CYFIP1: variants seen among roughly 807,000 people sequenced by gnomAD.
CYFIP1 encodes the protein cytoplasmic FMR1-interacting protein 1.
A neutral mutation model predicts 163.5 loss-of-function variants in CYFIP1; 58 were observed. The observed-to-expected ratio is 0.35, with a 90% CI of 0.29 to 0.44. The LOEUF is 0.44. CYFIP1 is among the 20% of genes least tolerant of loss of function. CYFIP1 has a pLI of 1.00. For missense variants in CYFIP1, 1,338 were observed against 1,653.8 expected (o/e 0.81, Z 3.31); for synonymous variants, 663 against 660.7 (o/e 1.00, Z -0.05).
chr15:22,884,912 G>C (rs148647111), intron 23 of CYFIP1, among the ~76,000 whole-genome samples: 1 of 138,456 alleles, frequency 7.2e-6, no homozygotes, highest in South Asian at 2.6e-4. Flanking sequence ...CCCTTTTAGC[G>C]ACCAGGAAGC....
chr15:22,968,517 T>C (rs1318806965), intron 1 of CYFIP1, among the ~76,000 whole-genome samples: 1 of 152,172 alleles, frequency 6.6e-6, no homozygotes, highest in African/African-American at 2.4e-5. Flanking sequence ...GCCTCTACAA[T>C]TGTGAGTCAG....
At chr15:22,921,446 T>C (rs1357744973) in intron 13 of CYFIP1, among the ~76,000 whole-genome samples, 1 of 151,074 alleles carries the variant, frequency 6.6e-6, no homozygotes, top group Non-Finnish European at 1.5e-5. Flanking sequence ...TCAAGGGTGA[T>C]CAACAAAGAC....
At chr15:22,972,443 A>G (rs2063134306) in intron 1 of CYFIP1, among the ~76,000 whole-genome samples, 1 of 152,160 alleles carries the variant, frequency 6.6e-6, no homozygotes, top group African/African-American at 2.4e-5. Flanking sequence ...TCTCAAAAAC[A>G]AAACAAAACA....
At chr15:22,961,555 T>A (rs58390709) in intron 1 of CYFIP1, among the ~76,000 whole-genome samples, 53,904 of 151,710 alleles carry the variant, frequency 0.36, 10,202 homozygotes, top group African/African-American at 0.48. Flanking sequence ...ATTTTTTTGA[T>A]TTTTTGTAGA....
chr15:22,947,528 C>T (rs938561634), intron 1 of CYFIP1, among the ~76,000 whole-genome samples: 1 of 152,098 alleles, frequency 6.6e-6, no homozygotes, highest in African/African-American at 2.4e-5. Context: ...ACAGGCTCTC[C>T]TGGCCTCCAG....
In CYFIP1 at chr15:22,869,018, C is replaced by CTGGT. The variant is rs1268955340; in HGVS notation, c.*1006_*1009dup. 5 of 152,180 alleles carry CTGGT rather than the reference C, an allele frequency of 3.3e-5. No individual in the cohort carries two copies. The highest frequency in any genetic ancestry group is 6.5e-5 in the Admixed American group (1 of 15,278). 9.4% of individuals were successfully genotyped at this position (152,180 alleles called of 1,614,324 possible). A position where few individuals can be genotyped will look rare whatever the true frequency, so the allele number is the denominator to read the frequency against. On this transcript the variant is annotated 3_prime_UTR_variant, in exon 31 of 31. Transcript: ENST00000617928. ...TTTCTCAAACATGTTCGTGACTCTA[C>CTGGT]TGGTAGTCTAGACCGATTGTTTTTC...
intron 18 of CYFIP1, among the ~76,000 whole-genome samples, chr15:22,911,265 T>C (rs1218526199): frequency 6.6e-6 from 1 of 152,110 alleles, no homozygotes; most frequent in East Asian, 1.9e-4. Context: ...CAGGAGTGAC[T>C]ACCACACTGC....
At chr15:22,980,434 TCCTCCCGGCGCTCCTC>T (rs1190141033), upstream of CYFIP1, 1 of 151,642 alleles carries the variant, frequency 6.6e-6, no homozygotes, top group Non-Finnish European at 1.5e-5. Flanking sequence ...CTCGGCCTCT[TCCTCCCGGCGCTCCTC>T]CCTCCCGGCC....
intron 22 of CYFIP1, among the ~76,000 whole-genome samples, chr15:22,897,995 T>C (rs867330117): frequency 2.4e-4 from 37 of 152,272 alleles, no homozygotes; most frequent in Middle Eastern, 3.4e-3. Flanking sequence ...CTGCCTCAGC[T>C]TCCCCAAGTT....
chr15:22,912,966 C>T (rs1336151185), intron 17 of CYFIP1, among the ~76,000 whole-genome samples: 1 of 151,924 alleles, frequency 6.6e-6, no homozygotes, highest in Admixed American at 6.6e-5. Flanking sequence ...GTGGATGAGG[C>T]AGGAAGATAA....
At chr15:22,890,805 C>G (rs10152678) in intron 23 of CYFIP1, among the ~76,000 whole-genome samples, 1 of 108,368 alleles carries the variant, frequency 9.2e-6, no homozygotes, top group Non-Finnish European at 2.0e-5. Context: ...CCAACAGCCT[C>G]GAGAACACGA....
chr15:22,902,961 G>C (rs1184439685), intron 22 of CYFIP1, among the ~76,000 whole-genome samples: 1 of 152,230 alleles, frequency 6.6e-6, no homozygotes, highest in Admixed American at 6.5e-5. Context: ...AAGTCAGTAA[G>C]AATTCAGCCA....
At chr15:22,898,153 G>A (rs543223641) in intron 22 of CYFIP1, among the ~76,000 whole-genome samples, 3 of 152,184 alleles carry the variant, frequency 2.0e-5, no homozygotes, top group Non-Finnish European at 2.9e-5. Context: ...CAAAAGGTCC[G>A]AGTCTGAAAA....
intron 1 of CYFIP1, among the ~76,000 whole-genome samples, chr15:22,960,640 C>G (rs2062644388): frequency 6.6e-6 from 1 of 152,244 alleles, no homozygotes; most frequent in South Asian, 2.1e-4. Context: ...TCCACCATTA[C>G]AGCAACACCT....
intron 10 of CYFIP1, among the ~76,000 whole-genome samples, chr15:22,932,647 A>G (rs1247938513): frequency 6.6e-6 from 1 of 152,160 alleles, no homozygotes; most frequent in Non-Finnish European, 1.5e-5. Flanking sequence ...AGTGCTTGGC[A>G]AAAGTCAATG....
At chr15:22,955,266 CA>C (rs1196183508) in intron 1 of CYFIP1, among the ~76,000 whole-genome samples, 5 of 152,316 alleles carry the variant, frequency 3.3e-5, no homozygotes, top group Non-Finnish European at 7.4e-5. Flanking sequence ...GACACATTGG[CA>C]AATGAGTGGA....
Position 22,939,291 on chromosome 15 carries a change from A to G in CYFIP1, c.696T>C (p.Ser232=). 1 of 1,614,190 alleles carries G rather than the reference A, an allele frequency of 6.2e-7. No homozygotes were observed. The highest frequency in any genetic ancestry group is 8.5e-7 in the Non-Finnish European group (1 of 1,180,022). The stretch of plus-strand genomic sequence containing the variant: ...TATCTGCCAGGAGCTCTTCGTAGCC[A>G]GAAATCACTTCGAGCTGCTGCTGCA... ...QSLQQQLEVI[S]GYEELLADIV... The change falls in exon 8 of 31, where the codon TCT becomes TCC. Residue 232 remains serine (S), a synonymous_variant. Coordinates refer to ENST00000617928, the MANE Select transcript of CYFIP1 (RefSeq NM_014608.6).
intron 29 of CYFIP1, 40 bp from the exon 30 acceptor site, chr15:22,873,012 T>C: frequency 3.7e-6 from 6 of 1,608,688 alleles, no homozygotes; most frequent in South Asian, 1.1e-5. Flanking sequence ...AGATGAGTGA[T>C]ACGTTATGAA....
At position 22,909,176 on chromosome 15, in the gene CYFIP1, C is replaced by A. The variant is rs1443025254; in HGVS notation, c.2388+18G>T. The A allele has an allele frequency of 1.2e-6, 2 of 1,613,506 alleles. No homozygotes were observed. The highest frequency in any genetic ancestry group is 2.2e-5 in the South Asian group (2 of 91,068). Reference sequence around the variant, plus strand: ...CCCTTAGTCCAATTTATCAATAGGGCAAAGTGAAATTACTTACAACTATGG... The same window carrying A: ...CCCTTAGTCCAATTTATCAATAGGGAAAAGTGAAATTACTTACAACTATGG... On this transcript the variant is annotated intron_variant, in intron 21 of 30. Transcript: ENST00000617928.
Sources: gnomAD v4.1 joint callset for allele counts (sites outside exome capture counted in the v4.1 genomes callset) on GRCh38, gnomAD v4.1.1 for gene constraint, MANE v1.5 for transcripts, NCBI Gene and HGNC (gene_info 2026-07-23, HGNC 2026-07-21) for gene names.